Variants in RNF125 observed in about 807,000 individuals in gnomAD.
RNF125 encodes E3 ubiquitin-protein ligase RNF125.
Under a neutral mutation model 26.0 loss-of-function variants are expected in RNF125, and 21 were observed. The ratio of observed to expected loss-of-function variants is 0.81; its 90% CI spans 0.57 to 1.16. The LOEUF is 1.16. RNF125 is among the 50% of genes most tolerant of loss of function. RNF125 has a pLI of 0.00. For missense variants in RNF125, 270 were observed against 299.4 expected (o/e 0.90, Z 0.72); for synonymous variants, 95 against 109.2 (o/e 0.87, Z 0.81).
At chr18:32,076,088 T>G, downstream of RNF125, 2 of 676,578 alleles carry the variant, frequency 3.0e-6, no homozygotes, top group Non-Finnish European at 5.5e-6. Context: ...CCTGTGAGGT[T>G]CACAATCTTC....
intron 1 of RNF125, among the ~76,000 whole-genome samples, chr18:32,030,119 A>C (rs2144444596): frequency 6.6e-6 from 1 of 152,274 alleles, no homozygotes; most frequent in East Asian, 1.9e-4. Context: ...ATCTTGGCTC[A>C]CTGCAACCTC....
At chr18:32,087,547 C>G in the RNF125 span, among the ~76,000 whole-genome samples, 1 of 151,686 alleles carries the variant, frequency 6.6e-6, no homozygotes, top group Non-Finnish European at 1.5e-5. Context: ...TGGGGAAAAC[C>G]CCCCACATAT....
downstream of RNF125, among the ~76,000 whole-genome samples, chr18:32,074,005 C>T (rs1461771162): frequency 2.0e-5 from 3 of 152,168 alleles, no homozygotes; most frequent in East Asian, 1.9e-4. Flanking sequence ...CTAATCATTG[C>T]CACCAAAATA....
At position 32,046,545 on chromosome 18, in the gene RNF125, T is replaced by C. The variant is rs559275743; in HGVS notation, c.504+813T>C. On this transcript the variant is annotated intron_variant, in intron 4 of 5. Transcript: ENST00000217740. The stretch of plus-strand genomic sequence containing the variant: ...CCGGGAGGCGGAGCTTGCAGTGAGC[T>C]GAGATCGTGCCACTGCACTCCAGCC... Among the ~76,000 whole-genome samples the C allele has an allele frequency of 4.3e-3, 594 of 138,634 alleles. 7 individuals are homozygous for C. Among genetic ancestry groups the C allele is most frequent in the African/African-American group, 0.016 (579 of 36,612 alleles). The allele number at this position is 138,634 out of a possible 152,430, so 90.9% of individuals were successfully genotyped here. A position where few individuals can be genotyped will look rare whatever the true frequency, so the allele number is the denominator to read the frequency against.
chr18:32,025,107 A>G (rs1490982792), intron 1 of RNF125, among the ~76,000 whole-genome samples: 1 of 152,158 alleles, frequency 6.6e-6, no homozygotes. Context: ...GATTTACCAA[A>G]GATTACTAAA....
At position 32,041,620 on chromosome 18, in the gene RNF125, C is replaced by CTTTTTTTTT. The variant is rs60264747; in HGVS notation, c.319-539_319-531dup. On this transcript the variant is annotated intron_variant, in intron 2 of 5. Coordinates refer to ENST00000217740, the MANE Select transcript of RNF125 (RefSeq NM_017831.4). ...CTATCTACTTTAAAAAATGTAGATG[C>CTTTTTTTTT]TTTTTTTTTTTTTTTTTTTTTTTTT... Among the ~76,000 whole-genome samples the CTTTTTTTTT allele has an allele frequency of 2.1e-5, 2 of 93,280 alleles. 1 individual carries two copies. The highest frequency in any genetic ancestry group is 4.2e-5 in the Non-Finnish European group (2 of 47,586). The allele number at this position is 93,280 out of a possible 152,430, so 61.2% of individuals were successfully genotyped here.
Position 32,045,631 on chromosome 18 carries a change from G to T in RNF125, c.414-11G>T. The T allele has an allele frequency of 1.3e-6, 2 of 1,572,924 alleles. No homozygotes were observed. Among genetic ancestry groups the T allele is most frequent in the Non-Finnish European group, 1.7e-6 (2 of 1,149,314 alleles). ...CATTTTAATATTATTTGTATTCTGT[G>T]CTATTTCCAGGTGTGTATGTCCCTT... On this transcript the variant is annotated splice_polypyrimidine_tract_variant and intron_variant, in intron 3 of 5. Transcript: ENST00000217740.
chr18:32,020,962 T>A (rs1325899476), intron 1 of RNF125, among the ~76,000 whole-genome samples: 5 of 152,184 alleles, frequency 3.3e-5, no homozygotes, highest in African/African-American at 1.2e-4. Context: ...TAATCCTTAA[T>A]ACCTATAGCC....
chr18:32,065,817 C>T (rs922693271), intron 4 of RNF125, 85 bp from the exon 5 acceptor site: 1 of 950,724 alleles, frequency 1.1e-6, no homozygotes, highest in African/African-American at 1.6e-5. Context: ...AGGCGTAAGC[C>T]ACCGCGCCCA....
At chr18:32,028,074 G>A (rs537273252) in intron 1 of RNF125, among the ~76,000 whole-genome samples, 40 of 151,702 alleles carry the variant, frequency 2.6e-4, no homozygotes, top group Non-Finnish European at 4.1e-4. Flanking sequence ...TGAGGCGGGC[G>A]GATCATGAGG....
chr18:32,048,494 C>A (rs999908055), intron 4 of RNF125, among the ~76,000 whole-genome samples: 3 of 151,010 alleles, frequency 2.0e-5, no homozygotes, highest in South Asian at 2.1e-4. Context: ...TCACAGCAAT[C>A]CTATGAGATA....
intron 4 of RNF125, among the ~76,000 whole-genome samples, chr18:32,057,235 A>T (rs1269137078): frequency 6.6e-6 from 1 of 152,124 alleles, no homozygotes; most frequent in Non-Finnish European, 1.5e-5. Flanking sequence ...TATTCTAGAT[A>T]ATTGAATGTT....
chr18:32,037,341 G>T, intron 2 of RNF125, 72 bp downstream of exon 2: 3 of 762,516 alleles, frequency 3.9e-6, no homozygotes, highest in Non-Finnish European at 4.0e-6. Context: ...TTTCACCTCT[G>T]CTTCTGACCC....
At chr18:32,036,612 A>AGGAGGGAGGGGGGAGGGGAG (rs2039157133) in intron 1 of RNF125, among the ~76,000 whole-genome samples, 1 of 84,154 alleles carries the variant, frequency 1.2e-5, no homozygotes, top group Non-Finnish European at 2.2e-5. Context: ...GAGGGAGGGA[A>AGGAGGGAGGGGGGAGGGGAG]GGAGGGAGGG....
At chr18:32,067,673 A>C (rs1260883205) in intron 5 of RNF125, among the ~76,000 whole-genome samples, 1 of 152,162 alleles carries the variant, frequency 6.6e-6, no homozygotes, top group Non-Finnish European at 1.5e-5. Context: ...GCTGTACTTT[A>C]TGACTTTCCT....
chr18:32,049,547 T>C (rs1257320348), intron 4 of RNF125, among the ~76,000 whole-genome samples: 2 of 150,380 alleles, frequency 1.3e-5, no homozygotes, highest in Admixed American at 6.6e-5. Context: ...GAGGAAGTGA[T>C]GTCCTCTCAC....
At chr18:32,066,746 A>G (rs2039488918) in intron 5 of RNF125, among the ~76,000 whole-genome samples, 1 of 152,214 alleles carries the variant, frequency 6.6e-6, no homozygotes, top group Non-Finnish European at 1.5e-5. Context: ...ATGTATATAA[A>G]GTGCTTTGCA....
At chr18:32,020,002 C>CTGTGTGTGTGTGTG (rs149126113) in intron 1 of RNF125, among the ~76,000 whole-genome samples, 54 of 150,006 alleles carry the variant, frequency 3.6e-4, no homozygotes, top group African/African-American at 1.3e-3. Context: ...TCTCTGTTTA[C>CTGTGTGTGTGTGTG]TGTGTGTGTG....
intron 4 of RNF125, among the ~76,000 whole-genome samples, chr18:32,054,069 C>T (rs1228490238): frequency 6.7e-6 from 1 of 149,072 alleles, no homozygotes; most frequent in Non-Finnish European, 1.5e-5. Context: ...ATGATCATGC[C>T]TGTGAAGACA....
Sources: gnomAD v4.1 joint callset for allele counts (sites outside exome capture counted in the v4.1 genomes callset) on GRCh38, gnomAD v4.1.1 for gene constraint, MANE v1.5 for transcripts, NCBI Gene and HGNC (gene_info 2026-07-23, HGNC 2026-07-21) for gene names.